FOXN2: variants seen among roughly 807,000 people sequenced by gnomAD.
FOXN2 encodes forkhead box N2, also known as forkhead box protein N2.
A neutral mutation model predicts 41.2 loss-of-function variants in FOXN2; 19 were observed. That is an observed-to-expected ratio of 0.46 (90% CI 0.32 to 0.68). FOXN2 has a LOEUF of 0.68. FOXN2 is among the 30% of genes least tolerant of loss of function. The probability of loss-of-function intolerance (pLI) is 0.03; values close to 1 mark genes in which losing one functional copy is unlikely to be tolerated. For synonymous variants in FOXN2, 195 were observed against 176.8 expected (o/e 1.10, Z -0.82); for missense variants, 587 against 509.4 (o/e 1.15, Z -1.47).
intron 5 of FOXN2, among the ~76,000 whole-genome samples, chr2:48,370,267 A>G (rs1019147596): frequency 2.0e-5 from 3 of 152,178 alleles, no homozygotes; most frequent in African/African-American, 7.2e-5. Context: ...TTTCTTCTTC[A>G]GACGTGTTAG....
chr2:48,370,085 A>C (rs1672787798), intron 5 of FOXN2, among the ~76,000 whole-genome samples: 1 of 152,166 alleles, frequency 6.6e-6, no homozygotes, highest in Non-Finnish European at 1.5e-5. Flanking sequence ...ATGCCATGCA[A>C]GTTGTGCCCT....
intron 2 of FOXN2, among the ~76,000 whole-genome samples, chr2:48,334,571 A>T (rs191576555): frequency 2.0e-5 from 3 of 152,248 alleles, no homozygotes; most frequent in Non-Finnish European, 4.4e-5. Flanking sequence ...AAAATGCTGG[A>T]TAAAATAAAA....
Position 48,346,231 on chromosome 2 carries a change from G to A in FOXN2, c.17G>A (p.Gly6Glu). The A allele has an allele frequency of 1.2e-6, 2 of 1,607,960 alleles. No individual in the cohort carries two copies. The highest frequency in any genetic ancestry group is 1.7e-6 in the Non-Finnish European group (2 of 1,177,652). Residue 6 changes from glycine to glutamate, a missense_variant, in exon 3 of 7, where the codon GGA (glycine) becomes GAA (glutamate). Physicochemically the swap from Gly to Glu is moderately conservative, Grantham distance 98 (BLOSUM62 -2). Coordinates refer to ENST00000340553, the MANE Select transcript of FOXN2 (RefSeq NM_002158.4). MGPVI[G>E]MTPDKRAETP... ...TAAGAGTAAATGGGTCCAGTAATTG[G>A]AATGACTCCAGATAAGAGAGCTGAA... is the stretch of plus-strand genomic sequence containing the variant.
rs767955700 is a variant in FOXN2 at position 48,346,749 on chromosome 2, A to G, written c.535A>G (p.Lys179Glu). 3.2e-5 allele frequency: 51 copies of G among 1,580,910 alleles called. No individual in the cohort carries two copies. The highest frequency in any genetic ancestry group is 1.3e-4 in the Admixed American group (7 of 54,582). Reference protein sequence around the residue: ...CFQKVERSHGKVNGKGSLWCV... With the variant: ...CFQKVERSHGEVNGKGSLWCV... ...TCAGAAAGTGGAAAGAAGCCATGGCAAGGTCAGTGTTTATGAACATTGCTA... is the reference window on the plus strand; with the variant it reads ...TCAGAAAGTGGAAAGAAGCCATGGCGAGGTCAGTGTTTATGAACATTGCTA... Residue 179 changes from lysine to glutamate, a missense_variant and splice_region_variant, in exon 3 of 7, where the codon AAG (lysine) becomes GAG (glutamate). By Grantham distance (56) the Lys-to-Glu change is moderately conservative. Coordinates refer to ENST00000340553, the MANE Select transcript of FOXN2 (RefSeq NM_002158.4).
intron 1 of FOXN2, among the ~76,000 whole-genome samples, chr2:48,319,004 C>T (rs1034546340): frequency 6.6e-6 from 1 of 152,108 alleles, no homozygotes; most frequent in Non-Finnish European, 1.5e-5. Context: ...TGATTCTTCC[C>T]GAGTAGATAC....
chr2:48,357,605 T>G (rs748101043), intron 3 of FOXN2, among the ~76,000 whole-genome samples: 5 of 151,922 alleles, frequency 3.3e-5, no homozygotes, highest in African/African-American at 4.8e-5. Context: ...CCAGGCTAAT[T>G]TTTTCTATTT....
At chr2:48,351,697 C>T (rs556594680) in intron 3 of FOXN2, among the ~76,000 whole-genome samples, 4 of 152,190 alleles carry the variant, frequency 2.6e-5, no homozygotes, top group South Asian at 2.1e-4. Flanking sequence ...ATGGGCTGAT[C>T]GGACAGGAGG....
chr2:48,375,244 G>A lies in FOXN2; in HGVS notation c.1097G>A (p.Gly366Asp), dbSNP rs1016714626. ...GAAGATGATCCTCTTGGAGACAGTGGCTATGCATCACAGCCTTGTGCAAAA... is the reference window on the plus strand; with the variant it reads ...GAAGATGATCCTCTTGGAGACAGTGACTATGCATCACAGCCTTGTGCAAAA... Reference protein sequence around the residue: ...DYEDDPLGDSGYASQPCAKIS... With the variant: ...DYEDDPLGDSDYASQPCAKIS... The change falls in exon 7 of 7, where the codon GGC (glycine) becomes GAC (aspartate). Residue 366 changes from glycine (G) to aspartate (D), a missense_variant. Transcript: ENST00000340553. The A allele has an allele frequency of 6.2e-7, 1 of 1,614,098 alleles. No homozygotes were observed.
intron 5 of FOXN2, among the ~76,000 whole-genome samples, chr2:48,371,512 C>G (rs991005329): frequency 1.3e-5 from 2 of 152,014 alleles, no homozygotes; most frequent in African/African-American, 4.8e-5. Flanking sequence ...GTTACTACAG[C>G]TTTGTAGTAT....
intron 4 of FOXN2, 102 bp downstream of exon 4, chr2:48,359,249 A>G (rs921458415): frequency 2.5e-5 from 20 of 785,224 alleles, no homozygotes; most frequent in Admixed American, 1.1e-4. Flanking sequence ...GTTTTATTGT[A>G]TAAAGAAGTA....
chr2:48,368,877 G>C (rs1265090261), intron 5 of FOXN2, among the ~76,000 whole-genome samples: 1 of 152,044 alleles, frequency 6.6e-6, no homozygotes, highest in Admixed American at 6.6e-5. Context: ...TTTTAATGTT[G>C]AAGTTAAACT....
intron 5 of FOXN2, among the ~76,000 whole-genome samples, chr2:48,364,571 T>C (rs926169565): frequency 2.0e-5 from 3 of 152,238 alleles, no homozygotes; most frequent in African/African-American, 7.2e-5. Flanking sequence ...TTTATTTTTA[T>C]GGGTATTTTT....
chr2:48,361,194 A>G (rs1185551136), intron 4 of FOXN2, among the ~76,000 whole-genome samples: 1 of 152,030 alleles, frequency 6.6e-6, no homozygotes, highest in Non-Finnish European at 1.5e-5. Context: ...TGGTCAGGTG[A>G]GGTGGCTCAA....
chr2:48,315,797 C>G (rs548971543), intron 1 of FOXN2, among the ~76,000 whole-genome samples: 1 of 152,304 alleles, frequency 6.6e-6, no homozygotes, highest in African/African-American at 2.4e-5. Flanking sequence ...CGCTGACGAC[C>G]CACACTCTCG....
chr2:48,344,742 A>G (rs1019753046), intron 2 of FOXN2, among the ~76,000 whole-genome samples: 1 of 152,110 alleles, frequency 6.6e-6, no homozygotes, highest in African/African-American at 2.4e-5. Context: ...TTTCTCTTTT[A>G]CATAACTGAC....
chr2:48,327,645 G>T (rs6757206), intron 1 of FOXN2, among the ~76,000 whole-genome samples: 38 of 151,954 alleles, frequency 2.5e-4, no homozygotes, highest in Middle Eastern at 3.4e-3. Context: ...GTGTTTCTCC[G>T]TGTTGGTCAG....
At chr2:48,352,298 T>G (rs190290720) in intron 3 of FOXN2, among the ~76,000 whole-genome samples, 1 of 152,368 alleles carries the variant, frequency 6.6e-6, no homozygotes, top group African/African-American at 2.4e-5. Context: ...TCCTTATGTC[T>G]AAATCCACTG....
In FOXN2 at chr2:48,342,888, CTG is replaced by C. The variant is rs1483949550; in HGVS notation, c.-14-3311_-14-3310del. ...TTTAAACTTTGCTTGGATTAACACT[CTG>C]TAACTCTTTGGCATATTTTGCTGCC... On this transcript the variant is annotated intron_variant, in intron 2 of 6. Transcript: ENST00000340553. Among the ~76,000 whole-genome samples the C allele has an allele frequency of 5.4e-4, 83 of 152,326 alleles. 1 individual carries two copies. The highest frequency in any genetic ancestry group is 5.3e-3 in the Admixed American group (81 of 15,300).
At position 48,327,114 on chromosome 2, in the gene FOXN2, G is replaced by A. The variant is rs1423803587; in HGVS notation, c.-156-1447G>A. ...ACCAGACCTCTTTCCTGAACTTTAC[G>A]TCACGTATATCCCAAATGCCTGTCC... On this transcript the variant is annotated intron_variant, in intron 1 of 6. Transcript: ENST00000340553. 3.3e-5 allele frequency among the ~76,000 whole-genome samples: 5 copies of A among 151,940 alleles called. No individual in the cohort carries two copies. In the East Asian group the frequency reaches 5.9e-4, roughly 18 times the overall value.
Sources: allele counts gnomAD v4.1 joint callset (sites outside exome capture counted in the v4.1 genomes callset), GRCh38; gene constraint gnomAD v4.1.1; transcripts MANE v1.5; gene names NCBI Gene and HGNC (gene_info 2026-07-23, HGNC 2026-07-21).